The following NFKB1 variants were observed in gnomAD, a reference collection of about 807,000 sequenced individuals.
The protein encoded by NFKB1 is nuclear factor NF-kappa-B p105 subunit.
In NFKB1, 9 loss-of-function variants were observed where a neutral mutation model predicts 105.1. The observed-to-expected ratio is 0.09, with a 90% CI of 0.05 to 0.15. The LOEUF (loss-of-function observed/expected upper bound fraction) is 0.15. NFKB1 is among the 10% of genes least tolerant of loss of function. The probability of loss-of-function intolerance (pLI) is 1.00; values close to 1 mark genes in which losing one functional copy is unlikely to be tolerated. For synonymous variants in NFKB1, 440 were observed against 442.2 expected (o/e 1.00, Z 0.06); for missense variants, 830 against 1,203.7 (o/e 0.69, Z 4.59).
At chr4:102,591,034 AG>A (rs2149200403) in intron 11 of NFKB1, among the ~76,000 whole-genome samples, 1 of 152,312 alleles carries the variant, frequency 6.6e-6, no homozygotes, top group South Asian at 2.1e-4. Flanking sequence ...GCAGAAAAAA[AG>A]TTGGAAGCTA....
At chr4:102,544,775 A>G (rs922396080) in intron 5 of NFKB1, among the ~76,000 whole-genome samples, 6 of 152,218 alleles carry the variant, frequency 3.9e-5, no homozygotes, top group Non-Finnish European at 7.4e-5. Context: ...AACCTATCAC[A>G]CAGATAATAG....
At chr4:102,521,150 C>A (rs1740547036) in intron 1 of NFKB1, among the ~76,000 whole-genome samples, 1 of 152,102 alleles carries the variant, frequency 6.6e-6, no homozygotes, top group Non-Finnish European at 1.5e-5. Flanking sequence ...CAGTGAATAT[C>A]CTTGTACTTA....
At chr4:102,530,596 CA>C (rs1300942065) in intron 3 of NFKB1, among the ~76,000 whole-genome samples, 8 of 152,086 alleles carry the variant, frequency 5.3e-5, no homozygotes, top group African/African-American at 1.9e-4. Context: ...AACAGATGTT[CA>C]AAAGCAGTGT....
chr4:102,534,349 A>C (rs1294463896), intron 4 of NFKB1, among the ~76,000 whole-genome samples: 2 of 152,166 alleles, frequency 1.3e-5, no homozygotes, highest in Non-Finnish European at 2.9e-5. Context: ...CCTTTGGAAC[A>C]TGTAACCTAA....
At chr4:102,527,459 C>T (rs950012150) in intron 2 of NFKB1, among the ~76,000 whole-genome samples, 4 of 152,080 alleles carry the variant, frequency 2.6e-5, no homozygotes, top group Non-Finnish European at 4.4e-5. Context: ...TGAAATTACA[C>T]GTGCAAAGAA....
chr4:102,588,464 AT>A (rs1219748531), intron 11 of NFKB1, among the ~76,000 whole-genome samples: 2 of 152,084 alleles, frequency 1.3e-5, no homozygotes, highest in Non-Finnish European at 1.5e-5. Context: ...TAAAAAAAAA[AT>A]AAAAGAGACC....
chr4:102,556,782 G>A (rs1325468781), intron 5 of NFKB1, among the ~76,000 whole-genome samples: 1 of 152,160 alleles, frequency 6.6e-6, no homozygotes, highest in African/African-American at 2.4e-5. Flanking sequence ...TTTCTCATTG[G>A]ATTGTAGAGA....
intron 5 of NFKB1, among the ~76,000 whole-genome samples, chr4:102,565,165 C>T (rs192405903): frequency 1.8e-4 from 27 of 151,396 alleles, no homozygotes; most frequent in African/African-American, 6.6e-4. Context: ...AATGTTATAC[C>T]TGTTTAAGAA....
At chr4:102,540,177 T>C (rs989252447) in intron 5 of NFKB1, among the ~76,000 whole-genome samples, 1 of 152,148 alleles carries the variant, frequency 6.6e-6, no homozygotes. Context: ...AAAATATAAA[T>C]TATGGTATTT....
At chr4:102,519,320 T>C (rs1175420828) in intron 1 of NFKB1, among the ~76,000 whole-genome samples, 2 of 147,738 alleles carry the variant, frequency 1.4e-5, no homozygotes, top group Non-Finnish European at 3.0e-5. Context: ...AATATTTATA[T>C]GTTATATATA....
In NFKB1 at chr4:102,600,989, A is replaced by C. The variant is rs1238976982; in HGVS notation, c.1732A>C (p.Met578Leu). ...SGLISDDIIN[M>L]RNDLYQTPLH... is the part of the protein sequence containing the mutation. ...TTTGATTTCTGATGACATTATCAAC[A>C]TGAGAAATGATCTGTACCAGGTAAG... The change falls in exon 16 of 24, where the codon ATG becomes CTG. Residue 578 changes from methionine to leucine, a missense_variant. Around this residue, in one of 8 missense-constraint regions of NFKB1, gnomAD observed 418 missense variants for 575.3 expected, o/e 0.73. Transcript: ENST00000226574. 1.3e-6 allele frequency: 2 copies of C among 1,598,970 alleles called. No individual in the cohort carries two copies. The highest frequency in any genetic ancestry group is 1.3e-5 in the African/African-American group (1 of 74,618).
intron 23 of NFKB1, among the ~76,000 whole-genome samples, chr4:102,614,980 G>C (rs1728807734): frequency 6.6e-6 from 1 of 151,884 alleles, no homozygotes; most frequent in South Asian, 2.1e-4. Context: ...GTGTCATCCT[G>C]TCTGCAACCA....
chr4:102,564,298 G>C (rs980714163), intron 5 of NFKB1, among the ~76,000 whole-genome samples: 1 of 152,214 alleles, frequency 6.6e-6, no homozygotes, highest in Non-Finnish European at 1.5e-5. Context: ...TGAATCGATT[G>C]CAAACAGTTC....
chr4:102,502,716 G>A (rs934856433), intron 1 of NFKB1, among the ~76,000 whole-genome samples: 3 of 152,050 alleles, frequency 2.0e-5, no homozygotes, highest in African/African-American at 7.3e-5. Context: ...AATGATACAG[G>A]ATTTAATTAT....
rs535214258 is a variant in NFKB1 at position 102,593,551 on chromosome 4, C to T, written c.1193C>T (p.Thr398Ile). Residue 398 changes from threonine (T) to isoleucine (I), a missense_variant, in exon 12 of 24, where the codon ACT becomes ATT. Around this residue, in one of 8 missense-constraint regions of NFKB1, gnomAD observed 163 missense variants for 164.3 expected, o/e 0.99. Coordinates refer to ENST00000226574, the MANE Select transcript of NFKB1 (RefSeq NM_003998.4). The part of the protein sequence containing the change: ...MFGSGGGGGG[T>I]GSTGPGYSFP... ...GGTAGTGGCGGTGGAGGAGGGGGCA[C>T]TGGAAGTACAGGTCCAGGTACAAAA... The T allele has an allele frequency of 1.2e-6, 2 of 1,613,440 alleles. No homozygotes were observed. Among genetic ancestry groups the T allele is most frequent in the Non-Finnish European group, 1.7e-6 (2 of 1,179,648 alleles).
At chr4:102,578,689 T>A (rs780696969) in intron 7 of NFKB1, 192 bp from the exon 8 acceptor site, 1 of 538,384 alleles carries the variant, frequency 1.9e-6, no homozygotes, top group East Asian at 3.0e-5. Flanking sequence ...AATGCAGGTC[T>A]TCTTTGATGC....
chr4:102,520,687 A>G (rs1740517492), intron 1 of NFKB1, among the ~76,000 whole-genome samples: 1 of 152,214 alleles, frequency 6.6e-6, no homozygotes, highest in African/African-American at 2.4e-5. Flanking sequence ...GCTTTTAAAA[A>G]AAAAAAGTAA....
chr4:102,607,032 A>AG, intron 17 of NFKB1, 118 bp from the exon 18 acceptor site: 1 of 980,544 alleles, frequency 1.0e-6, no homozygotes, highest in Admixed American at 1.7e-5. Flanking sequence ...CAATAGACTT[A>AG]TAGTATCTTT....
chr4:102,597,692 C>T (rs1028465686), intron 15 of NFKB1, 31 bp downstream of exon 15: 8 of 1,594,762 alleles, frequency 5.0e-6, no homozygotes, highest in Non-Finnish European at 6.9e-6. Flanking sequence ...GATAGGTTGT[C>T]CTGGGTGGGG....
Sources: allele counts gnomAD v4.1 joint callset (sites outside exome capture counted in the v4.1 genomes callset), GRCh38; gene constraint gnomAD v4.1.1; regional missense constraint gnomAD v4.1.1; transcripts MANE v1.5; gene names NCBI Gene and HGNC (gene_info 2026-07-23, HGNC 2026-07-21).